The following CD58 variants were observed in gnomAD, a reference collection of about 807,000 sequenced individuals.
CD58 encodes the protein CD58 molecule.
A neutral mutation model predicts 27.6 loss-of-function variants in CD58; 14 were observed. The ratio of observed to expected loss-of-function variants is 0.51; its 90% CI spans 0.34 to 0.79. The LOEUF (loss-of-function observed/expected upper bound fraction) is 0.79, where lower values mean the gene tolerates loss of function less well. CD58 is among the 30% of genes least tolerant of loss of function. The pLI is 0.02. For missense variants in CD58, 268 were observed against 301.7 expected, an observed-to-expected ratio of 0.89 and a Z score of 0.83; for synonymous variants, 117 against 103.8, an observed-to-expected ratio of 1.13 and a Z score of -0.77.
At chr1:116,558,532 G>A (rs1278167138) in intron 1 of CD58, among the ~76,000 whole-genome samples, 4 of 152,194 alleles carry the variant, frequency 2.6e-5, no homozygotes, top group Admixed American at 1.3e-4. Context: ...CTCCTAAAAT[G>A]TCTAGGCTAG....
At position 116,544,535 on chromosome 1, in the gene CD58, C is replaced by T. The variant is rs143981092; in HGVS notation, c.140G>A (p.Ser47Asn). The T allele has an allele frequency of 1.2e-6, 2 of 1,613,322 alleles. No homozygotes were observed. The highest frequency in any genetic ancestry group is 1.7e-6 in the Non-Finnish European group (2 of 1,179,502). Residue 47 changes from serine to asparagine, a missense_variant, in exon 2 of 6, where the codon AGC becomes AAC. Coordinates refer to ENST00000369489, the MANE Select transcript of CD58 (RefSeq NM_001779.3). ...VYGNVTFHVP[S>N]NVPLKEVLWK... ...TAGGACCTCTTTTAAAGGCACATTG[C>T]TTGGTACATGGAAAGTTACATTCCC...
intron 1 of CD58, among the ~76,000 whole-genome samples, chr1:116,545,060 G>T (rs1018563796): frequency 6.6e-6 from 1 of 152,190 alleles, no homozygotes; most frequent in African/African-American, 2.4e-5. Context: ...AAGAAGAGAT[G>T]ATCATACAGA....
chr1:116,547,320 G>A (rs1039365868), intron 1 of CD58, among the ~76,000 whole-genome samples: 3 of 144,618 alleles, frequency 2.1e-5, no homozygotes, highest in African/African-American at 7.6e-5. Context: ...CCATTATTTT[G>A]TTCTTTTTTT....
At chr1:116,544,171 T>C (rs1483056931) in intron 2 of CD58, 140 bp downstream of exon 2, 3 of 621,204 alleles carry the variant, frequency 4.8e-6, no homozygotes, top group Non-Finnish European at 8.3e-6. Context: ...AGCTCCTCTA[T>C]ACCAGAAAAG....
At chr1:116,526,823 A>G (rs779955049) in intron 3 of CD58, among the ~76,000 whole-genome samples, 1 of 152,244 alleles carries the variant, frequency 6.6e-6, no homozygotes, top group Non-Finnish European at 1.5e-5. Flanking sequence ...TGAACATAGA[A>G]TATCTCTCCA....
chr1:116,537,693 C>G (rs1571070688), intron 2 of CD58, among the ~76,000 whole-genome samples: 1 of 152,172 alleles, frequency 6.6e-6, no homozygotes, highest in African/African-American at 2.4e-5. Flanking sequence ...CCTTTAAAAG[C>G]CTCAAGGCTA....
intron 1 of CD58, among the ~76,000 whole-genome samples, chr1:116,569,250 C>A (rs1659040843): frequency 6.6e-6 from 1 of 152,218 alleles, no homozygotes; most frequent in Non-Finnish European, 1.5e-5. Context: ...CACATGAACT[C>A]CCCAGAGCTA....
At position 116,515,320 on chromosome 1, in the gene CD58, C is replaced by G. The variant is rs934521147; in HGVS notation, c.744-498G>C. Among the ~76,000 whole-genome samples, 2 of 152,170 alleles carry G rather than the reference C, an allele frequency of 1.3e-5. No individual in the cohort carries two copies. The highest frequency in any genetic ancestry group is 2.4e-5 in the African/African-American group (1 of 41,424). On this transcript the variant is annotated intron_variant, in intron 5 of 5. Coordinates refer to ENST00000369489, the MANE Select transcript of CD58 (RefSeq NM_001779.3). The surrounding 1 kb of genome is among the most constrained non-coding windows in gnomAD (Gnocchi z 4.6). ...CGCATCCTTGAGCAAGCCCTCAAAC[C>G]GAGTCCATTTCCCGGCCTCCTCCCC...
intron 3 of CD58, chr1:116,533,957 C>G (rs1244484157): frequency 2.1e-6 from 3 of 1,428,696 alleles, no homozygotes; most frequent in African/African-American, 2.8e-5. Context: ...GGGGCATTGT[C>G]AAGTCGCTCC....
At position 116,557,386 on chromosome 1, in the gene CD58, C is replaced by T. The variant is rs1158946727; in HGVS notation, c.71-12782G>A. 6.6e-6 allele frequency among the ~76,000 whole-genome samples: 1 copy of T among 152,176 alleles called. No individual in the cohort carries two copies. The highest frequency in any genetic ancestry group is 2.4e-5 in the African/African-American group (1 of 41,438). ...TTCAGCCCCACTTTCTGCCTCATCA[C>T]CAAAGCAAGATGGGAGGACCTGCGG... is the stretch of plus-strand genomic sequence containing the variant. On this transcript the variant is annotated intron_variant, in intron 1 of 5. Coordinates refer to ENST00000369489, the MANE Select transcript of CD58 (RefSeq NM_001779.3). This position sits in a 1 kb window ranked among gnomAD's most constrained non-coding sequence, Gnocchi z 5.2.
rs1418252498 is a variant in CD58 at position 116,536,330 on chromosome 1, G to A, written c.365-102C>T. 14 of 813,730 alleles carry A rather than the reference G, an allele frequency of 1.7e-5. No individual in the cohort carries two copies. Among genetic ancestry groups the A allele is most frequent in the Non-Finnish European group, 2.4e-5 (13 of 533,714 alleles). 50.4% of individuals were successfully genotyped at this position (813,730 alleles called of 1,614,324 possible). A position where few individuals can be genotyped will look rare whatever the true frequency, so the allele number is the denominator to read the frequency against. ...CGCAACCTCCTTACAAGCTTGAAAGGATGAGCAGACAAACTCCTTGAGCAT... is the reference window on the plus strand; with the variant it reads ...CGCAACCTCCTTACAAGCTTGAAAGAATGAGCAGACAAACTCCTTGAGCAT... On this transcript the variant is annotated intron_variant, in intron 2 of 5. Coordinates refer to ENST00000369489, the MANE Select transcript of CD58 (RefSeq NM_001779.3). This position sits in a 1 kb window ranked among gnomAD's most constrained non-coding sequence, Gnocchi z 5.4.
rs1307561583 is a variant in CD58, at chr1:116,559,487, C to T, written c.70+11416G>A. On this transcript the variant is annotated intron_variant, in intron 1 of 5. Coordinates refer to ENST00000369489, the MANE Select transcript of CD58 (RefSeq NM_001779.3). The surrounding 1 kb of genome is among the most constrained non-coding windows in gnomAD (Gnocchi z 4.4). Reference sequence around the variant, plus strand: ...TTGGTTGGGGCCATTCCTCTTTTTTCCTGATCGATTCCACCCTTAGCCGGT... The same window carrying T: ...TTGGTTGGGGCCATTCCTCTTTTTTTCTGATCGATTCCACCCTTAGCCGGT... Among the ~76,000 whole-genome samples the T allele has an allele frequency of 2.0e-5, 3 of 152,158 alleles. No homozygotes were observed. The highest frequency in any genetic ancestry group is 7.2e-5 in the African/African-American group (3 of 41,434).
intron 5 of CD58, chr1:116,518,676 A>G: frequency 1.0e-6 from 1 of 986,870 alleles, no homozygotes; most frequent in Non-Finnish European, 1.2e-6. Flanking sequence ...GGGATCTGCC[A>G]GGAGGGGGCC....
intron 1 of CD58, among the ~76,000 whole-genome samples, chr1:116,568,055 CAAAA>C (rs34531651): frequency 1.2e-5 from 1 of 81,714 alleles, no homozygotes; most frequent in African/African-American, 4.3e-5. Flanking sequence ...CTTAAAGTAC[CAAAA>C]AAAAAAAAAA....
intron 2 of CD58, among the ~76,000 whole-genome samples, chr1:116,543,574 G>A (rs1276301068): frequency 6.6e-6 from 1 of 152,112 alleles, no homozygotes; most frequent in Admixed American, 6.5e-5. Context: ...AGACCAGGGA[G>A]GAGTGTCAGT....
intron 1 of CD58, among the ~76,000 whole-genome samples, chr1:116,555,934 G>T (rs1658544525): frequency 6.6e-6 from 1 of 151,856 alleles, no homozygotes; most frequent in Admixed American, 6.6e-5. Flanking sequence ...CTGGCTCTGT[G>T]CCAGGCACTG....
At position 116,519,350 on chromosome 1, in the gene CD58, C is replaced by T. The variant is rs768021176; in HGVS notation, c.707-83G>A. 2 of 1,288,974 alleles carry T rather than the reference C, an allele frequency of 1.6e-6. No homozygotes were observed. The highest frequency in any genetic ancestry group is 2.2e-6 in the Non-Finnish European group (2 of 906,308). 79.8% of individuals were successfully genotyped at this position (1,288,974 alleles called of 1,614,324 possible). A position where few individuals can be genotyped will look rare whatever the true frequency, so the allele number is the denominator to read the frequency against. On this transcript the variant is annotated intron_variant, in intron 4 of 5. Transcript: ENST00000369489. The surrounding 1 kb of genome is among the most constrained non-coding windows in gnomAD (Gnocchi z 4.7). Reference sequence around the variant, plus strand: ...GGAGTTACTGACTGCCTATTAGAGGCCTAAATATGGAAAACTAAGCCAGAG... The same window carrying T: ...GGAGTTACTGACTGCCTATTAGAGGTCTAAATATGGAAAACTAAGCCAGAG...
chr1:116,568,558 C>T (rs1659022811), intron 1 of CD58, among the ~76,000 whole-genome samples: 1 of 152,190 alleles, frequency 6.6e-6, no homozygotes, highest in Non-Finnish European at 1.5e-5. Flanking sequence ...TACTCATTTA[C>T]TTACTGTCTC....
In CD58 at chr1:116,515,784, CACTT is replaced by C. The variant is rs1048125206; in HGVS notation, c.744-966_744-963del. Among the ~76,000 whole-genome samples, 2 of 152,196 alleles carry C rather than the reference CACTT, an allele frequency of 1.3e-5. No individual in the cohort carries two copies. Among genetic ancestry groups the C allele is most frequent in the Admixed American group, 1.3e-4 (2 of 15,286 alleles). ...CTAACTTTGTGATCTGTTTTCTAGA[CACTT>C]ACACAAAAAATACCAGGGCACTCAG... On this transcript the variant is annotated intron_variant, in intron 5 of 5. Coordinates refer to ENST00000369489, the MANE Select transcript of CD58 (RefSeq NM_001779.3). This position sits in a 1 kb window ranked among gnomAD's most constrained non-coding sequence, Gnocchi z 4.6.
Sources: allele counts gnomAD v4.1 joint callset (sites outside exome capture counted in the v4.1 genomes callset), GRCh38; gene constraint gnomAD v4.1.1; non-coding constraint Gnocchi (gnomAD v3.1); transcripts MANE v1.5; gene names NCBI Gene and HGNC (gene_info 2026-07-23, HGNC 2026-07-21).